Variants in HGSNAT observed in about 807,000 individuals in gnomAD.
HGSNAT encodes transmembrane protein 76.
HGSNAT carries 59 observed loss-of-function variants against 85.2 expected under a neutral mutation model. The observed-to-expected ratio is 0.69, with a 90% CI of 0.56 to 0.86. The LOEUF (loss-of-function observed/expected upper bound fraction) is 0.86, where lower values mean the gene tolerates loss of function less well. Among genes scored for constraint, HGSNAT ranks in the 40% least tolerant of loss-of-function variants. HGSNAT has a pLI of 0.00. For synonymous variants in HGSNAT, 321 were observed against 304.5 expected (o/e 1.05, Z -0.56); for missense variants, 756 against 777.1 (o/e 0.97, Z 0.32).
intron 13 of HGSNAT, 149 bp from the exon 14 acceptor site, chr8:43,193,608 A>G: frequency 1.7e-6 from 1 of 576,060 alleles, no homozygotes; most frequent in Non-Finnish European, 3.1e-6. Flanking sequence ...TCTGCCTGTT[A>G]TCCCTATAAG....
intron 9 of HGSNAT, among the ~76,000 whole-genome samples, chr8:43,177,358 T>C (rs1803845911): frequency 6.6e-6 from 1 of 151,940 alleles, no homozygotes. Context: ...GAGACCATCC[T>C]GGCTAACACG....
rs777004722 is a variant in HGSNAT at position 43,197,012 on chromosome 8, G to T, written c.1529G>T (p.Trp510Leu). The T allele has an allele frequency of 1.2e-6, 2 of 1,608,298 alleles. No individual in the cohort carries two copies. The highest frequency in any genetic ancestry group is 2.2e-5 in the South Asian group (2 of 90,820). ...TKDILIRFTA[W>L]CCILGLISVA... ...GACATCCTGATTCGATTCACTGCTT[G>T]GTGTTGTATTCTTGTAAGTAAGCAG... Residue 510 changes from tryptophan (W) to leucine (L), a missense_variant, in exon 15 of 18, where the codon TGG (tryptophan) becomes TTG (leucine). Coordinates refer to ENST00000379644, the MANE Select transcript of HGSNAT (RefSeq NM_152419.3).
chr8:43,173,149 T>C (rs1803686245), intron 8 of HGSNAT, among the ~76,000 whole-genome samples: 1 of 151,686 alleles, frequency 6.6e-6, no homozygotes, highest in Non-Finnish European at 1.5e-5. Context: ...CATACATGGC[T>C]AGTTTTTTAA....
intron 8 of HGSNAT, among the ~76,000 whole-genome samples, chr8:43,173,370 C>T (rs961891447): frequency 2.6e-5 from 4 of 151,066 alleles, no homozygotes; most frequent in Non-Finnish European, 4.4e-5. Flanking sequence ...AGTGCAATGG[C>T]GCGATCTTGG....
intron 2 of HGSNAT, among the ~76,000 whole-genome samples, chr8:43,152,471 C>T (rs1021845445): frequency 1.2e-4 from 19 of 152,090 alleles, no homozygotes; most frequent in Admixed American, 1.2e-3. Flanking sequence ...ATTTTTGAGG[C>T]AGGGTCTTGC....
At position 43,182,249 on chromosome 8, in the gene HGSNAT, C is replaced by T. The variant is rs753177043; in HGVS notation, c.1117C>T (p.His373Tyr). ...CCTCTTTGCTAAACCTGTGCCTGAA[C>T]ATTGTGCCTCGGTGAGAAACCATGT... is the stretch of plus-strand genomic sequence containing the variant. Reference protein sequence around the residue: ...ELLFAKPVPEHCASERSCLSL... With the variant: ...ELLFAKPVPEYCASERSCLSL... The change falls in exon 11 of 18, where the codon CAT becomes TAT. Residue 373 changes from histidine (H) to tyrosine (Y), a missense_variant. By Grantham distance (83) the His-to-Tyr change is moderately conservative (BLOSUM62 2). Transcript: ENST00000379644. 5 of 1,612,520 alleles carry T rather than the reference C, an allele frequency of 3.1e-6. No homozygotes were observed. Among genetic ancestry groups the T allele is most frequent in the African/African-American group, 1.3e-5 (1 of 74,890 alleles).
At chr8:43,144,043 G>T (rs2130665847) in intron 1 of HGSNAT, among the ~76,000 whole-genome samples, 1 of 152,192 alleles carries the variant, frequency 6.6e-6, no homozygotes, top group Non-Finnish European at 1.5e-5. Context: ...CTTGGGCCCG[G>T]TGTGGTGGCT....
At chr8:43,169,691 C>T (rs758271856) in intron 6 of HGSNAT, among the ~76,000 whole-genome samples, 1 of 152,212 alleles carries the variant, frequency 6.6e-6, no homozygotes, top group Non-Finnish European at 1.5e-5. Flanking sequence ...GCACTTACGA[C>T]TAGTTTTTTT....
chr8:43,164,767 G>A (rs1463392603), intron 5 of HGSNAT, among the ~76,000 whole-genome samples: 4 of 152,166 alleles, frequency 2.6e-5, no homozygotes, highest in Admixed American at 2.0e-4. Context: ...GGGTGACAGA[G>A]TGAGACTCCA....
intron 10 of HGSNAT, chr8:43,180,345 G>C (rs1347044440): frequency 1.3e-5 from 2 of 149,546 alleles, no homozygotes; most frequent in African/African-American, 2.7e-5. Flanking sequence ...CAGACGGGGC[G>C]GTTGCCAGGC....
At chr8:43,148,156 C>A (rs139607093) in intron 2 of HGSNAT, among the ~76,000 whole-genome samples, 4 of 151,806 alleles carry the variant, frequency 2.6e-5, no homozygotes, top group African/African-American at 9.7e-5. Flanking sequence ...GCAGGAGAAT[C>A]GCTTGAACCC....
chr8:43,197,227 A>C (rs1219002836), intron 15 of HGSNAT: 1 of 594,996 alleles, frequency 1.7e-6, no homozygotes, highest in African/African-American at 1.9e-5. Flanking sequence ...GTCTTTATCA[A>C]TAAGGCAGTG....
rs1260391446 is a variant in HGSNAT at position 43,202,608 on chromosome 8, T to C, written c.*3039T>C. The C allele has an allele frequency of 6.6e-6, 1 of 152,218 alleles. No individual in the cohort carries two copies. The highest frequency in any genetic ancestry group is 1.5e-5 in the Non-Finnish European group (1 of 68,040). The allele number at this position is 152,218 out of a possible 1,614,324, so 9.4% of individuals were successfully genotyped here. A position where few individuals can be genotyped will look rare whatever the true frequency, so the allele number is the denominator to read the frequency against. On this transcript the variant is annotated 3_prime_UTR_variant, in exon 18 of 18. Transcript: ENST00000379644. ...GAGAGAAAATGTGACATTTTAATTTTTTTTTGCATTTATATTCCTAATTCC... is the reference window on the plus strand; with the variant it reads ...GAGAGAAAATGTGACATTTTAATTTCTTTTTGCATTTATATTCCTAATTCC...
At chr8:43,142,624 G>GT (rs1268850100) in intron 1 of HGSNAT, among the ~76,000 whole-genome samples, 3 of 152,132 alleles carry the variant, frequency 2.0e-5, no homozygotes, top group Non-Finnish European at 4.4e-5. Context: ...GAGGTTCGTT[G>GT]TTTTTTGTGG....
chr8:43,152,165 C>A (rs933272521), intron 2 of HGSNAT, among the ~76,000 whole-genome samples: 1 of 152,108 alleles, frequency 6.6e-6, no homozygotes, highest in South Asian at 2.1e-4. Flanking sequence ...GTGGTGGGCG[C>A]TTGTAGTACC....
chr8:43,199,171 G>C (rs1177974504), intron 17 of HGSNAT, among the ~76,000 whole-genome samples: 2 of 152,184 alleles, frequency 1.3e-5, no homozygotes, highest in Non-Finnish European at 2.9e-5. Context: ...AAAGTGCTGG[G>C]ATTATAGTCG....
chr8:43,194,383 G>T, intron 14 of HGSNAT: 3 of 984,172 alleles, frequency 3.0e-6, no homozygotes, highest in Non-Finnish European at 3.6e-6. Context: ...GGGCAACAGA[G>T]TGAGACCCTG....
At chr8:43,196,311 A>G (rs1804725221) in intron 14 of HGSNAT, 6 of 396,918 alleles carry the variant, frequency 1.5e-5, no homozygotes, top group South Asian at 1.2e-4. Context: ...ATGTTTTCAA[A>G]AATGAATACC....
intron 2 of HGSNAT, among the ~76,000 whole-genome samples, chr8:43,155,972 C>T (rs778870619): frequency 3.3e-5 from 5 of 152,030 alleles, no homozygotes; most frequent in Non-Finnish European, 7.4e-5. Context: ...TCCTGAGTAG[C>T]TGGGATTATA....
Sources: gnomAD v4.1 joint callset for allele counts (sites outside exome capture counted in the v4.1 genomes callset) on GRCh38, gnomAD v4.1.1 for gene constraint, MANE v1.5 for transcripts, NCBI Gene and HGNC (gene_info 2026-07-23, HGNC 2026-07-21) for gene names.